The following NAV3 variants were observed in gnomAD, a reference collection of about 807,000 sequenced individuals.
NAV3 encodes the protein neuron navigator 3, also known as pore membrane and/or filament interacting like protein 1.
Under a neutral mutation model 244.7 loss-of-function variants are expected in NAV3, and 87 were observed. That is an observed-to-expected ratio of 0.36 (90% CI 0.30 to 0.42). The LOEUF is 0.42. Among genes scored for constraint, NAV3 ranks in the 20% least tolerant of loss-of-function variants. The pLI is 1.00. For synonymous variants in NAV3, 1,126 were observed against 1,042.2 expected (o/e 1.08, Z -1.55); for missense variants, 2,663 against 2,893.3 (o/e 0.92, Z 1.83).
At chr12:77,734,452 A>T (rs1052968182) in intron 2 of NAV3, among the ~76,000 whole-genome samples, 1 of 152,102 alleles carries the variant, frequency 6.6e-6, no homozygotes, top group Non-Finnish European at 1.5e-5. Flanking sequence ...CAAACTATAC[A>T]TGATTAATAC....
chr12:77,582,458 G>T (rs1869409316), intron 2 of NAV3, among the ~76,000 whole-genome samples: 1 of 152,226 alleles, frequency 6.6e-6, no homozygotes, highest in South Asian at 2.1e-4. Flanking sequence ...TGTGATACCT[G>T]AGAATTTAGA....
chr12:77,659,875 A>C lies in NAV3; in HGVS notation c.72+87609A>C, dbSNP rs987365423. 2.3e-4 allele frequency among the ~76,000 whole-genome samples: 34 copies of C among 150,572 alleles called. No individual in the cohort carries two copies. In the East Asian group the frequency reaches 5.4e-3, roughly 24 times the overall value. ...TATCGCAAGGACAAAAACCAAACAC[A>C]GCATGTTCTCACTCATAGGTGGGAA... is the stretch of plus-strand genomic sequence containing the variant. On this transcript the variant is annotated intron_variant, in intron 2 of 8. Transcript: ENST00000550042.
chr12:77,799,561 C>A (rs1484327232), intron 2 of NAV3, among the ~76,000 whole-genome samples: 2 of 152,100 alleles, frequency 1.3e-5, no homozygotes, highest in Non-Finnish European at 2.9e-5. Flanking sequence ...GTGATTACAC[C>A]TAATTTTAAA....
At chr12:77,917,382 A>G (rs1303580392) in intron 1 of NAV3, among the ~76,000 whole-genome samples, 2 of 152,042 alleles carry the variant, frequency 1.3e-5, no homozygotes, top group African/African-American at 2.4e-5. Flanking sequence ...TTAAACTACT[A>G]TTGATAACCT....
intron 1 of NAV3, among the ~76,000 whole-genome samples, chr12:77,934,815 G>A (rs1889170292): frequency 6.6e-6 from 1 of 152,168 alleles, no homozygotes; most frequent in Non-Finnish European, 1.5e-5. Context: ...CTGCTTGAAT[G>A]TTGAAGGAAA....
intron 1 of NAV3, among the ~76,000 whole-genome samples, chr12:77,936,523 G>T (rs1031538775): frequency 3.3e-5 from 5 of 152,090 alleles, no homozygotes; most frequent in Non-Finnish European, 7.4e-5. Context: ...ACTGAATTAT[G>T]ATTAGTTTGA....
In NAV3 at chr12:78,119,898, G is replaced by A. The variant is rs1246184521; in HGVS notation, c.3702G>A (p.Arg1234=). Reference sequence around the variant, plus strand: ...GCGCCTGTGGTGCACAAGGTCTCAGGCAGCCAGGATCCAAGTATCCAGATA... The same window carrying A: ...GCGCCTGTGGTGCACAAGGTCTCAGACAGCCAGGATCCAAGTATCCAGATA... The part of the protein sequence containing the change: ...SASACGAQGL[R]QPGSKYPDIA... Residue 1234 remains arginine, a synonymous_variant, in exon 15 of 40, where the codon AGG becomes AGA. Transcript: ENST00000397909. 2 of 1,614,092 alleles carry A rather than the reference G, an allele frequency of 1.2e-6. No homozygotes were observed. Among genetic ancestry groups the A allele is most frequent in the Admixed American group, 1.7e-5 (1 of 60,010 alleles).
At chr12:78,152,451 T>C (rs1451824286) in intron 22 of NAV3, among the ~76,000 whole-genome samples, 2 of 151,772 alleles carry the variant, frequency 1.3e-5, no homozygotes, top group African/African-American at 4.8e-5. Flanking sequence ...TAATCATTTT[T>C]ACATATCCAG....
At chr12:77,730,787 A>G (rs1365671766) in intron 2 of NAV3, among the ~76,000 whole-genome samples, 1 of 151,032 alleles carries the variant, frequency 6.6e-6, no homozygotes, top group Non-Finnish European at 1.5e-5. Flanking sequence ...TTTTTTTTAA[A>G]GAAGACAAAA....
At chr12:77,632,798 A>G (rs1871972631) in intron 2 of NAV3, among the ~76,000 whole-genome samples, 1 of 152,146 alleles carries the variant, frequency 6.6e-6, no homozygotes, top group Admixed American at 6.5e-5. Flanking sequence ...ATTTATATGT[A>G]TATTGATTTT....
chr12:77,756,347 C>T (rs139171593), intron 2 of NAV3, among the ~76,000 whole-genome samples: 38 of 151,658 alleles, frequency 2.5e-4, no homozygotes, highest in Middle Eastern at 3.4e-3. Context: ...GCTGATTTAA[C>T]TGACACTTTT....
chr12:78,032,138 T>C (rs1254354053), intron 9 of NAV3, among the ~76,000 whole-genome samples: 1 of 152,178 alleles, frequency 6.6e-6, no homozygotes, highest in Non-Finnish European at 1.5e-5. Context: ...AAAAAGTCTT[T>C]TTGTGCTTAC....
chr12:78,083,810 C>T lies in NAV3; in HGVS notation c.2636+24695C>T, dbSNP rs985462848. Among the ~76,000 whole-genome samples the T allele has an allele frequency of 8.5e-5, 13 of 152,152 alleles. 1 individual carries two copies. The South Asian group carries it at 1.9e-3, about 22-fold the overall frequency. ...GACCAGTGCCTGCAATTCATTGATA[C>T]TTAACTCGTCAGAATCCTAAATACT... On this transcript the variant is annotated intron_variant, in intron 12 of 39. Coordinates refer to ENST00000397909, the MANE Select transcript of NAV3 (RefSeq NM_001024383.2).
chr12:78,100,000 C>A (rs1442354751), intron 12 of NAV3, among the ~76,000 whole-genome samples: 3 of 151,798 alleles, frequency 2.0e-5, no homozygotes, highest in Admixed American at 2.0e-4. Flanking sequence ...AGCTGTAAAT[C>A]TTCATTATTT....
At chr12:77,866,798 T>G (rs748381047) in intron 1 of NAV3, among the ~76,000 whole-genome samples, 4 of 152,196 alleles carry the variant, frequency 2.6e-5, no homozygotes, top group Non-Finnish European at 5.9e-5. Flanking sequence ...AAAGCTTAGA[T>G]CTATAGTCAA....
intron 12 of NAV3, among the ~76,000 whole-genome samples, chr12:78,066,385 G>T (rs978773596): frequency 6.6e-6 from 1 of 152,060 alleles, no homozygotes; most frequent in Non-Finnish European, 1.5e-5. Flanking sequence ...TATAACCTGG[G>T]TTACTGAAGT....
rs10602394 is a variant in NAV3, at chr12:77,929,798, ATTTT to A, written c.244-10502_244-10499del. Reference sequence around the variant, plus strand: ...CAGGCACCCGCCACCACGGCCAGCTATTTTTTTTTTTTTTTTTTTTTTGTATTTT... The same window carrying A: ...CAGGCACCCGCCACCACGGCCAGCTATTTTTTTTTTTTTTTTTTGTATTTT... On this transcript the variant is annotated intron_variant, in intron 1 of 39. Coordinates refer to ENST00000397909, the MANE Select transcript of NAV3 (RefSeq NM_001024383.2). Among the ~76,000 whole-genome samples the A allele has an allele frequency of 3.7e-3, 388 of 105,994 alleles. 2 individuals are homozygous for A. The highest frequency in any genetic ancestry group is 0.029 in the Middle Eastern group (5 of 172). The allele number at this position is 105,994 out of a possible 152,430, so 69.5% of individuals were successfully genotyped here. A position where few individuals can be genotyped will look rare whatever the true frequency, so the allele number is the denominator to read the frequency against.
intron 2 of NAV3, among the ~76,000 whole-genome samples, chr12:77,821,684 A>C (rs1466377720): frequency 6.6e-6 from 1 of 152,226 alleles, no homozygotes; most frequent in African/African-American, 2.4e-5. Flanking sequence ...TGTGAAAATA[A>C]GAAAATTGGA....
chr12:77,859,348 A>AATC (rs1878859139), intron 1 of NAV3, among the ~76,000 whole-genome samples: 1 of 152,086 alleles, frequency 6.6e-6, no homozygotes. Flanking sequence ...TTTCAGAAAC[A>AATC]ATCTAACACA....
Sources: allele counts gnomAD v4.1 joint callset (sites outside exome capture counted in the v4.1 genomes callset), GRCh38; gene constraint gnomAD v4.1.1; transcripts MANE v1.5; gene names NCBI Gene and HGNC (gene_info 2026-07-23, HGNC 2026-07-21).